SARM1: variants seen among roughly 807,000 people sequenced by gnomAD.
The protein encoded by SARM1 is sterile alpha and TIR motif containing 1.
SARM1 carries 60 observed loss-of-function variants against 65.1 expected under a neutral mutation model. That is an observed-to-expected ratio of 0.92 (90% CI 0.75 to 1.14). The LOEUF (loss-of-function observed/expected upper bound fraction) is 1.14. SARM1 is among the 50% of genes most tolerant of loss of function. The probability of loss-of-function intolerance (pLI) is 0.00; values close to 1 mark genes in which losing one functional copy is unlikely to be tolerated. For missense variants in SARM1, 913 were observed against 1,015.7 expected (o/e 0.90, Z 1.37); for synonymous variants, 417 against 465.4 (o/e 0.90, Z 1.34).
Position 28,372,601 on chromosome 17 carries a change from C to G in SARM1, c.470+99C>G, listed in dbSNP as rs1453083416. ...TTGCGCCGTGCCTTTGCCTCCCTCACCTCTCTGACTGCCTGCACTACATCT... is the reference window on the plus strand; with the variant it reads ...TTGCGCCGTGCCTTTGCCTCCCTCAGCTCTCTGACTGCCTGCACTACATCT... On this transcript the variant is annotated intron_variant, in intron 1 of 8. Coordinates refer to ENST00000585482, the MANE Select transcript of SARM1 (RefSeq NM_015077.4). This position sits in a 1 kb window ranked among gnomAD's most constrained non-coding sequence, Gnocchi z 5.2. 2.3e-6 allele frequency: 2 copies of G among 858,972 alleles called. No individual in the cohort carries two copies. The highest frequency in any genetic ancestry group is 1.8e-5 in the African/African-American group (1 of 55,830). The allele number at this position is 858,972 out of a possible 1,614,324, so 53.2% of individuals were successfully genotyped here.
chr17:28,384,298 G>T lies in SARM1; in HGVS notation c.1090-59G>T. On this transcript the variant is annotated intron_variant, in intron 2 of 8. Coordinates refer to ENST00000585482, the MANE Select transcript of SARM1 (RefSeq NM_015077.4). The surrounding 1 kb of genome is among the most constrained non-coding windows in gnomAD (Gnocchi z 4.4). ...AGAGACAAGGAGAGGGACTGGGCAC[G>T]TGTGGGAGCACCTGGAGAGCTGGTG... The T allele has an allele frequency of 1.4e-6, 2 of 1,392,572 alleles. No individual in the cohort carries two copies. The highest frequency in any genetic ancestry group is 1.4e-5 in the South Asian group (1 of 72,638). The allele number at this position is 1,392,572 out of a possible 1,614,324, so 86.3% of individuals were successfully genotyped here. A position where few individuals can be genotyped will look rare whatever the true frequency, so the allele number is the denominator to read the frequency against.
chr17:28,399,821 C>T lies in SARM1; in HGVS notation c.*3535C>T. Reference sequence around the variant, plus strand: ...GGGTGGGCTGGTCCAGGTAGCTCTCCTGAACCTCCTCCTTCCCCAAGCTGA... The same window carrying T: ...GGGTGGGCTGGTCCAGGTAGCTCTCTTGAACCTCCTCCTTCCCCAAGCTGA... On this transcript the variant is annotated 3_prime_UTR_variant, in exon 9 of 9. Coordinates refer to ENST00000585482, the MANE Select transcript of SARM1 (RefSeq NM_015077.4). 1 of 1,068,834 alleles carries T rather than the reference C, an allele frequency of 9.4e-7. No homozygotes were observed. The highest frequency in any genetic ancestry group is 1.4e-6 in the Non-Finnish European group (1 of 693,068). The allele number at this position is 1,068,834 out of a possible 1,614,324, so 66.2% of individuals were successfully genotyped here.
chr17:28,384,382 A>G lies in SARM1; in HGVS notation c.1115A>G (p.Gln372Arg). 3 of 1,604,596 alleles carry G rather than the reference A, an allele frequency of 1.9e-6. No individual in the cohort carries two copies. The highest frequency in any genetic ancestry group is 2.6e-6 in the Non-Finnish European group (3 of 1,174,582). The change falls in exon 3 of 9, where the codon CAG becomes CGG. Residue 372 changes from glutamine to arginine, a missense_variant. Physicochemically the swap from Gln to Arg is conservative, Grantham distance 43. Transcript: ENST00000585482. This position sits in a 1 kb window ranked among gnomAD's most constrained non-coding sequence, Gnocchi z 4.4. ...GTGTTCAGCGACATCGGCGCCATCCAGAGCCTGAAACGCCTGGTTTCCTAC... is the reference window on the plus strand; with the variant it reads ...GTGTTCAGCGACATCGGCGCCATCCGGAGCCTGAAACGCCTGGTTTCCTAC... ...TKVFSDIGAI[Q>R]SLKRLVSYST...
In SARM1 at chr17:28,388,183, A is replaced by G; in HGVS notation, c.1640A>G (p.His547Arg). The change falls in exon 6 of 9, where the codon CAC becomes CGC. Residue 547 changes from histidine (H) to arginine (R), a missense_variant. His to Arg is a conservative substitution (Grantham distance 29, BLOSUM62 0). Around this residue, in one of 3 missense-constraint regions of SARM1, gnomAD observed 862 missense variants for 952.1 expected, o/e 0.91. Transcript: ENST00000585482. ...CTATTGCCCACTTCAGAAATGCTACACTCCCCGCTGCCCTGTACTGGTGGC... is the reference window on the plus strand; with the variant it reads ...CTATTGCCCACTTCAGAAATGCTACGCTCCCCGCTGCCCTGTACTGGTGGC... ...RILTAAREML[H>R]SPLPCTGGKP... 1 of 1,548,198 alleles carries G rather than the reference A, an allele frequency of 6.5e-7. No individual in the cohort carries two copies. The highest frequency in any genetic ancestry group is 8.7e-7 in the Non-Finnish European group (1 of 1,146,544).
chr17:28,383,782 A>G (rs2068036122), intron 2 of SARM1, among the ~76,000 whole-genome samples: 1 of 152,220 alleles, frequency 6.6e-6, no homozygotes, highest in Non-Finnish European at 1.5e-5. Context: ...AGTGTGGTAT[A>G]AGACCTCATT....
chr17:28,399,576 G>T lies in SARM1; in HGVS notation c.*3290G>T. ...ACAAGAGTTGCTTGTCCTGCTGTGGGCTGGGCTTCCAGCTGCAGACCTCCA... is the reference window on the plus strand; with the variant it reads ...ACAAGAGTTGCTTGTCCTGCTGTGGTCTGGGCTTCCAGCTGCAGACCTCCA... On this transcript the variant is annotated 3_prime_UTR_variant, in exon 9 of 9. Transcript: ENST00000585482. 3 of 1,461,254 alleles carry T rather than the reference G, an allele frequency of 2.1e-6. No homozygotes were observed. Among genetic ancestry groups the T allele is most frequent in the Non-Finnish European group, 9.6e-7 (1 of 1,045,020 alleles). The allele number at this position is 1,461,254 out of a possible 1,614,324, so 90.5% of individuals were successfully genotyped here.
In SARM1 at chr17:28,396,267, C is replaced by T. The variant is rs146812537; in HGVS notation, c.2156C>T (p.Ala719Val). 670 of 1,613,894 alleles carry T rather than the reference C, an allele frequency of 4.2e-4. No homozygotes were observed. Among genetic ancestry groups the T allele is most frequent in the Non-Finnish European group, 5.3e-4 (627 of 1,179,890 alleles). Residue 719 changes from alanine (A) to valine (V), a missense_variant, in exon 9 of 9, where the codon GCA becomes GTA. Transcript: ENST00000585482. The stretch of plus-strand genomic sequence containing the variant: ...TCTGACACCAGTTTGGAGGGTGCTG[C>T]ACCCATGGGTCCAACCTAACCAGTC... ...AGSDTSLEGAAPMGPT is the reference protein window; with the variant it reads ...AGSDTSLEGAVPMGPT
chr17:28,380,974 G>T (rs2068019394), intron 1 of SARM1, among the ~76,000 whole-genome samples: 1 of 152,218 alleles, frequency 6.6e-6, no homozygotes, highest in South Asian at 2.1e-4. Context: ...GCCTCTCAAG[G>T]GGAGGAGGGA....
At chr17:28,388,766 CTTTTTTTT>C (rs371410539) in intron 7 of SARM1, among the ~76,000 whole-genome samples, 1 of 135,916 alleles carries the variant, frequency 7.4e-6, no homozygotes, top group African/African-American at 2.7e-5. Flanking sequence ...TTTTCTTTTT[CTTTTTTTT>C]TTTTTTTTGT....
intron 1 of SARM1, among the ~76,000 whole-genome samples, chr17:28,380,197 A>C (rs1299751578): frequency 6.7e-6 from 1 of 150,156 alleles, no homozygotes; most frequent in African/African-American, 2.5e-5. Flanking sequence ...AGCATTCTAC[A>C]GGCATGAGCC....
intron 1 of SARM1, 80 bp from the exon 2 acceptor site, chr17:28,381,123 A>G (rs1411974696): frequency 5.4e-6 from 8 of 1,473,574 alleles, no homozygotes; most frequent in Non-Finnish European, 2.7e-6. Flanking sequence ...AGAGAGGGTT[A>G]GTGACCAGGC....
Position 28,399,377 on chromosome 17 carries a change from G to T in SARM1, c.*3091G>T, listed in dbSNP as rs1165559759. 3 of 466,046 alleles carry T rather than the reference G, an allele frequency of 6.4e-6. No homozygotes were observed. Among genetic ancestry groups the T allele is most frequent in the Admixed American group, 6.7e-5 (2 of 29,874 alleles). 28.9% of individuals were successfully genotyped at this position (466,046 alleles called of 1,614,324 possible). On this transcript the variant is annotated 3_prime_UTR_variant, in exon 9 of 9. Transcript: ENST00000585482. ...CTGGCCTGTGGGGTTATAAGTGATG[G>T]ATAGCAGAAAGGGAGAACTGACTCC...
rs567632194 is a variant in SARM1 at position 28,396,282 on chromosome 17, C to T, written c.2171C>T (p.Thr724Ile). 37 of 1,613,820 alleles carry T rather than the reference C, an allele frequency of 2.3e-5. No homozygotes were observed. Among genetic ancestry groups the T allele is most frequent in the Admixed American group, 2.0e-4 (12 of 60,002 alleles). The change falls in exon 9 of 9, where the codon ACC becomes ATC. Residue 724 changes from threonine (T) to isoleucine (I), a missense_variant. Physicochemically the swap from Thr to Ile is moderately conservative, Grantham distance 89 (BLOSUM62 -1). This residue lies in a region of SARM1 where 862 missense variants were observed against 952.1 expected (regional missense o/e 0.91). Coordinates refer to ENST00000585482, the MANE Select transcript of SARM1 (RefSeq NM_015077.4). ...SLEGAAPMGP[T>I] is the part of the protein sequence containing the mutation. The stretch of plus-strand genomic sequence containing the variant: ...GAGGGTGCTGCACCCATGGGTCCAA[C>T]CTAACCAGTCCCCAGTTCCCCAGCC...
Position 28,385,017 on chromosome 17 carries a change from G to C in SARM1, c.1395-23G>C. 1 of 1,611,310 alleles carries C rather than the reference G, an allele frequency of 6.2e-7. No homozygotes were observed. Among genetic ancestry groups the C allele is most frequent in the Non-Finnish European group, 8.5e-7 (1 of 1,177,994 alleles). On this transcript the variant is annotated intron_variant, in intron 4 of 8. Coordinates refer to ENST00000585482, the MANE Select transcript of SARM1 (RefSeq NM_015077.4). This position sits in a 1 kb window ranked among gnomAD's most constrained non-coding sequence, Gnocchi z 4.5. ...AGCCCGTCCGAGTCTGGACCTCAGC[G>C]TCTTCTCCTCCGTGGGGTGCAGGTT... is the stretch of plus-strand genomic sequence containing the variant.
intron 7 of SARM1, among the ~76,000 whole-genome samples, chr17:28,393,303 C>T (rs1339874895): frequency 6.6e-6 from 1 of 152,062 alleles, no homozygotes. Flanking sequence ...GATCCCAACA[C>T]TTTGGGATGC....
At position 28,372,460 on chromosome 17, in the gene SARM1, A is replaced by G. The variant is rs370967865; in HGVS notation, c.428A>G (p.Gln143Arg). Residue 143 changes from glutamine to arginine, a missense_variant, in exon 1 of 9, where the codon CAG becomes CGG. Coordinates refer to ENST00000585482, the MANE Select transcript of SARM1 (RefSeq NM_015077.4). This position sits in a 1 kb window ranked among gnomAD's most constrained non-coding sequence, Gnocchi z 5.2. ...GCGCCGGAGTTGGAGACGCGTGTGC[A>G]GGCCGCGCGCCTGCTGGAGCAGATC... is the stretch of plus-strand genomic sequence containing the variant. ...LQAPELETRV[Q>R]AARLLEQILV... 53 of 1,530,040 alleles carry G rather than the reference A, an allele frequency of 3.5e-5. No individual in the cohort carries two copies. In the African/African-American group the frequency reaches 5.1e-4, roughly 15 times the overall value. The allele number at this position is 1,530,040 out of a possible 1,614,324, so 94.8% of individuals were successfully genotyped here. A position where few individuals can be genotyped will look rare whatever the true frequency, so the allele number is the denominator to read the frequency against.
At chr17:28,383,464 TCTCTGCA>T (rs1318165412) in intron 2 of SARM1, among the ~76,000 whole-genome samples, 4 of 152,142 alleles carry the variant, frequency 2.6e-5, no homozygotes, top group Non-Finnish European at 4.4e-5. Flanking sequence ...CTGATTCTTC[TCTCTGCA>T]CTCCAGAGCT....
Position 28,372,603 on chromosome 17 carries a change from T to C in SARM1, c.470+101T>C. 1 of 834,932 alleles carries C rather than the reference T, an allele frequency of 1.2e-6. No individual in the cohort carries two copies. The highest frequency in any genetic ancestry group is 1.8e-6 in the Non-Finnish European group (1 of 560,958). The allele number at this position is 834,932 out of a possible 1,614,324, so 51.7% of individuals were successfully genotyped here. A position where few individuals can be genotyped will look rare whatever the true frequency, so the allele number is the denominator to read the frequency against. ...GCGCCGTGCCTTTGCCTCCCTCACCTCTCTGACTGCCTGCACTACATCTCT... is the reference window on the plus strand; with the variant it reads ...GCGCCGTGCCTTTGCCTCCCTCACCCCTCTGACTGCCTGCACTACATCTCT... On this transcript the variant is annotated intron_variant, in intron 1 of 8. Transcript: ENST00000585482. This position sits in a 1 kb window ranked among gnomAD's most constrained non-coding sequence, Gnocchi z 5.2.
At chr17:28,379,753 G>C (rs1357903366) in intron 1 of SARM1, among the ~76,000 whole-genome samples, 5 of 152,214 alleles carry the variant, frequency 3.3e-5, no homozygotes, top group Admixed American at 3.3e-4. Flanking sequence ...ATGGGGAAAA[G>C]CCTTTAGATT....
Sources: gnomAD v4.1 joint callset for allele counts (sites outside exome capture counted in the v4.1 genomes callset) on GRCh38, gnomAD v4.1.1 for gene constraint, gnomAD v4.1.1 regional missense constraint, Gnocchi (gnomAD v3.1) non-coding constraint, MANE v1.5 for transcripts, NCBI Gene and HGNC (gene_info 2026-07-23, HGNC 2026-07-21) for gene names.